Variants in TCF4 observed in about 807,000 individuals in gnomAD.
TCF4 encodes the protein transcription factor 4.
In TCF4, 3 loss-of-function variants were observed where a neutral mutation model predicts 82.1. The ratio of observed to expected loss-of-function variants is 0.04; its 90% CI spans 0.02 to 0.09. The LOEUF (loss-of-function observed/expected upper bound fraction) is 0.09, where lower values mean the gene tolerates loss of function less well. Among genes scored for constraint, TCF4 ranks in the 10% least tolerant of loss-of-function variants. The pLI is 1.00. For synonymous variants in TCF4, 276 were observed against 309.6 expected, an observed-to-expected ratio of 0.89 and a Z score of 1.14; for missense variants, 518 against 852.7, an observed-to-expected ratio of 0.61 and a Z score of 4.89.
chr18:55,472,530 C>A (rs955603838), intron 3 of TCF4, among the ~76,000 whole-genome samples: 1 of 152,122 alleles, frequency 6.6e-6, no homozygotes, highest in African/African-American at 2.4e-5. Context: ...GGGGATCCTA[C>A]CTTTTAAAGC....
intron 3 of TCF4, among the ~76,000 whole-genome samples, chr18:55,568,733 G>A (rs1225425417): frequency 6.6e-6 from 1 of 152,082 alleles, no homozygotes; most frequent in Non-Finnish European, 1.5e-5. Flanking sequence ...TACAGAGTGA[G>A]AACACTTCCT....
chr18:55,564,804 T>C (rs2097388059), intron 3 of TCF4, among the ~76,000 whole-genome samples: 1 of 152,198 alleles, frequency 6.6e-6, no homozygotes, highest in African/African-American at 2.4e-5. Context: ...ATGTACTGGA[T>C]GCCTACTATG....
intron 3 of TCF4, among the ~76,000 whole-genome samples, chr18:55,514,804 A>G (rs946764877): frequency 5.3e-5 from 8 of 152,172 alleles, no homozygotes; most frequent in Non-Finnish European, 1.0e-4. Context: ...CAATTGATGT[A>G]TATTATTTAC....
intron 8 of TCF4, chr18:55,322,432 A>T: frequency 1.0e-6 from 1 of 991,006 alleles, no homozygotes; most frequent in Non-Finnish European, 1.2e-6. Flanking sequence ...GAAGAAAAAA[A>T]AAAAAAAAAA....
At chr18:55,599,507 G>GT (rs1476732441) in intron 2 of TCF4, among the ~76,000 whole-genome samples, 2 of 152,194 alleles carry the variant, frequency 1.3e-5, no homozygotes, top group African/African-American at 2.4e-5. Flanking sequence ...GATCACTTGA[G>GT]GCCAGGAGTT....
intron 3 of TCF4, among the ~76,000 whole-genome samples, chr18:55,473,800 A>AT (rs1296269350): frequency 6.6e-6 from 1 of 152,232 alleles, no homozygotes; most frequent in Non-Finnish European, 1.5e-5. Context: ...GCAGGTTGAC[A>AT]TAACACAGGA....
intron 8 of TCF4, among the ~76,000 whole-genome samples, chr18:55,293,658 C>A (rs557150429): frequency 3.2e-4 from 48 of 152,248 alleles, no homozygotes; most frequent in African/African-American, 1.0e-3. Context: ...ACTGAGAAAA[C>A]ACTGAAATAG....
intron 8 of TCF4, among the ~76,000 whole-genome samples, chr18:55,292,475 A>T (rs1400695520): frequency 2.0e-5 from 3 of 152,206 alleles, no homozygotes; most frequent in African/African-American, 7.2e-5. Context: ...ACACAACAAA[A>T]GGCTCAGGAT....
chr18:55,310,557 T>G (rs1003929241), intron 8 of TCF4, among the ~76,000 whole-genome samples: 4 of 152,122 alleles, frequency 2.6e-5, no homozygotes, highest in African/African-American at 9.7e-5. Context: ...CAAAATCACT[T>G]CCGTATCATG....
chr18:55,286,102 A>G (rs2063613967), intron 8 of TCF4, among the ~76,000 whole-genome samples: 1 of 152,234 alleles, frequency 6.6e-6, no homozygotes, highest in Admixed American at 6.5e-5. Flanking sequence ...TCCGCAATTT[A>G]GTCCTTGGCC....
intron 6 of TCF4, among the ~76,000 whole-genome samples, chr18:55,362,434 G>GAAAAAAAAAAAAA (rs1168719900): frequency 8.5e-6 from 1 of 118,112 alleles, no homozygotes; most frequent in African/African-American, 3.4e-5. Flanking sequence ...AGGAAGGAAG[G>GAAAAAAAAAAAAA]AAAAAAAAAA....
intron 5 of TCF4, chr18:55,422,321 C>T: frequency 2.0e-6 from 2 of 985,038 alleles, no homozygotes; most frequent in Non-Finnish European, 2.4e-6. Context: ...CAGAACACAA[C>T]ATGCTGGGGC....
At chr18:55,270,132 A>G (rs1183657709) in intron 10 of TCF4, among the ~76,000 whole-genome samples, 169 bp from the exon 11 acceptor site, 1 of 152,194 alleles carries the variant, frequency 6.6e-6, no homozygotes, top group African/African-American at 2.4e-5. Context: ...CATTTTTCAA[A>G]TAATAAGTTA....
At chr18:55,557,987 T>C (rs1348411078) in intron 3 of TCF4, among the ~76,000 whole-genome samples, 1 of 152,090 alleles carries the variant, frequency 6.6e-6, no homozygotes, top group Non-Finnish European at 1.5e-5. Context: ...GGAGGATCAC[T>C]TGAGGCCAGG....
At chr18:55,616,507 G>A (rs1017654212) in intron 2 of TCF4, among the ~76,000 whole-genome samples, 3 of 151,998 alleles carry the variant, frequency 2.0e-5, no homozygotes, top group Non-Finnish European at 2.9e-5. Flanking sequence ...ATCATATGGT[G>A]TTTCTATTTT....
intron 2 of TCF4, among the ~76,000 whole-genome samples, chr18:55,598,846 C>G (rs1246837626): frequency 6.6e-6 from 1 of 152,232 alleles, no homozygotes; most frequent in African/African-American, 2.4e-5. Context: ...TTTCTCTCAA[C>G]TCAGCCCAAT....
At chr18:55,274,865 TA>T (rs2061139684) in intron 10 of TCF4, among the ~76,000 whole-genome samples, 1 of 152,162 alleles carries the variant, frequency 6.6e-6, no homozygotes, top group African/African-American at 2.4e-5. Flanking sequence ...TGGTGATATT[TA>T]AGGCTAGAAG....
At chr18:55,321,493 G>A in intron 8 of TCF4, 1 of 933,230 alleles carries the variant, frequency 1.1e-6, no homozygotes. Context: ...AAAAGACGAA[G>A]GAGAAGAAGT....
In TCF4 at chr18:55,508,780, A is replaced by T. The variant is rs574216104; in HGVS notation, c.146-44643T>A. ...TGTGCACCTCCTTTTATTCCTAGGA[A>T]CACTTAATAACAAACTGCAAATAAC... On this transcript the variant is annotated intron_variant, in intron 3 of 19. Coordinates refer to ENST00000354452, the MANE Select transcript of TCF4 (RefSeq NM_001083962.2). Among the ~76,000 whole-genome samples the T allele has an allele frequency of 2.6e-5, 4 of 152,318 alleles. No individual in the cohort carries two copies. The South Asian group carries it at 6.2e-4, about 24-fold the overall frequency.
Sources: gnomAD v4.1 joint callset for allele counts (sites outside exome capture counted in the v4.1 genomes callset) on GRCh38, gnomAD v4.1.1 for gene constraint, MANE v1.5 for transcripts, NCBI Gene and HGNC (gene_info 2026-07-23, HGNC 2026-07-21) for gene names.